The following FARS2 variants were observed in gnomAD, a reference collection of about 807,000 sequenced individuals.
FARS2 encodes phenylalanine--tRNA ligase, mitochondrial.
In FARS2, 40 loss-of-function variants were observed where a neutral mutation model predicts 46.4. The ratio of observed to expected loss-of-function variants is 0.86; its 90% CI spans 0.67 to 1.12. The LOEUF is 1.12. FARS2 is among the 50% of genes most tolerant of loss of function. The pLI, the probability that FARS2 is intolerant of heterozygous loss-of-function variation, is 0.00. For missense variants in FARS2, 513 were observed against 567.9 expected, an observed-to-expected ratio of 0.90 and a Z score of 0.98; for synonymous variants, 234 against 214.9, an observed-to-expected ratio of 1.09 and a Z score of -0.78.
Position 5,346,422 on chromosome 6 carries a change from T to C in FARS2, c.-21-22128T>C, listed in dbSNP as rs538162385. Among the ~76,000 whole-genome samples the C allele has an allele frequency of 1.3e-3, 196 of 152,346 alleles. 1 individual carries two copies. Among genetic ancestry groups the C allele is most frequent in the African/African-American group, 4.4e-3 (184 of 41,584 alleles). ...TACAATAAATAAAGTAGAATTGCTG[T>C]GGTTTCCTCAGGGACTGAGCCCTAT... is the stretch of plus-strand genomic sequence containing the variant. On this transcript the variant is annotated intron_variant, in intron 1 of 6. Transcript: ENST00000274680.
intron 1 of FARS2, among the ~76,000 whole-genome samples, chr6:5,276,586 A>T (rs1178619725): frequency 6.6e-6 from 1 of 152,202 alleles, no homozygotes; most frequent in Non-Finnish European, 1.5e-5. Context: ...AGGCTCATCA[A>T]AGAGCTTTAC....
chr6:5,385,842 A>T (rs1048129082), intron 2 of FARS2, among the ~76,000 whole-genome samples: 1 of 152,138 alleles, frequency 6.6e-6, no homozygotes, highest in Admixed American at 6.5e-5. Flanking sequence ...GGCTGTATTC[A>T]TCACAGTTAC....
chr6:5,617,572 C>G (rs944507120), intron 6 of FARS2, among the ~76,000 whole-genome samples: 1 of 152,232 alleles, frequency 6.6e-6, no homozygotes, highest in Admixed American at 6.5e-5. Flanking sequence ...GTCTATACTT[C>G]TAAATTGGCC....
intron 6 of FARS2, among the ~76,000 whole-genome samples, chr6:5,637,939 G>T (rs1328866139): frequency 6.6e-6 from 1 of 152,220 alleles, no homozygotes; most frequent in Non-Finnish European, 1.5e-5. Flanking sequence ...GATACTGGCA[G>T]TTAGGACTGC....
chr6:5,637,481 C>T (rs1043481434), intron 6 of FARS2, among the ~76,000 whole-genome samples: 1 of 152,182 alleles, frequency 6.6e-6, no homozygotes, highest in African/African-American at 2.4e-5. Flanking sequence ...GGAGCCACAG[C>T]CTGTAAGTGA....
intron 1 of FARS2, among the ~76,000 whole-genome samples, chr6:5,341,377 C>G (rs1376657372): frequency 6.7e-6 from 1 of 148,250 alleles, no homozygotes; most frequent in Non-Finnish European, 1.5e-5. Flanking sequence ...CCTGCCTACA[C>G]TGCAAAACAT....
intron 4 of FARS2, among the ~76,000 whole-genome samples, chr6:5,472,443 A>G (rs1333277769): frequency 6.6e-6 from 1 of 152,176 alleles, no homozygotes; most frequent in African/African-American, 2.4e-5. Flanking sequence ...AGGAGGAAAA[A>G]TGGGAAAACA....
chr6:5,397,197 A>C (rs1357534341), intron 2 of FARS2, among the ~76,000 whole-genome samples: 1 of 152,222 alleles, frequency 6.6e-6, no homozygotes, highest in Non-Finnish European at 1.5e-5. Flanking sequence ...AGACAAGCTG[A>C]AAAGGCTCCA....
chr6:5,765,650 T>G lies in FARS2; in HGVS notation c.1218-5641T>G. Among the ~76,000 whole-genome samples, 1 of 152,034 alleles carries G rather than the reference T, an allele frequency of 6.6e-6. No individual in the cohort carries two copies. The highest frequency in any genetic ancestry group is 1.9e-4 in the East Asian group (1 of 5,174). Reference sequence around the variant, plus strand: ...GAGCAAATCTCGGGAGAACATGAGGTTCCACGTGGGGTGCGGTGTGGCTGA... The same window carrying G: ...GAGCAAATCTCGGGAGAACATGAGGGTCCACGTGGGGTGCGGTGTGGCTGA... On this transcript the variant is annotated intron_variant, in intron 6 of 6. Coordinates refer to ENST00000274680, the MANE Select transcript of FARS2 (RefSeq NM_006567.5). The surrounding 1 kb of genome is among the most constrained non-coding windows in gnomAD (Gnocchi z 4.0).
At chr6:5,386,701 G>C (rs1581952373) in intron 2 of FARS2, among the ~76,000 whole-genome samples, 1 of 152,146 alleles carries the variant, frequency 6.6e-6, no homozygotes, top group Non-Finnish European at 1.5e-5. Flanking sequence ...CTAACTCCTG[G>C]GTTGCTTTTT....
At chr6:5,364,998 A>G (rs1212454151) in intron 1 of FARS2, among the ~76,000 whole-genome samples, 1 of 151,910 alleles carries the variant, frequency 6.6e-6, no homozygotes, top group South Asian at 2.1e-4. Context: ...CCAGTAAGCC[A>G]TGATCATCCC....
chr6:5,681,797 CT>C (rs1277250764), intron 6 of FARS2, among the ~76,000 whole-genome samples: 1 of 152,242 alleles, frequency 6.6e-6, no homozygotes, highest in African/African-American at 2.4e-5. Context: ...CCCTCCCTTC[CT>C]TCTCTGGATC....
intron 6 of FARS2, among the ~76,000 whole-genome samples, chr6:5,670,160 C>CTT (rs1179730802): frequency 1.3e-5 from 2 of 152,146 alleles, no homozygotes; most frequent in Non-Finnish European, 2.9e-5. Context: ...AGCATAGGCG[C>CTT]TTATGCCCAG....
chr6:5,464,108 AT>A (rs1765387917), intron 4 of FARS2, among the ~76,000 whole-genome samples: 1 of 152,132 alleles, frequency 6.6e-6, no homozygotes, highest in Non-Finnish European at 1.5e-5. Context: ...CAGTTTATTC[AT>A]TTCTAAGCAG....
chr6:5,469,271 C>T (rs1007992651), intron 4 of FARS2, among the ~76,000 whole-genome samples: 6 of 152,236 alleles, frequency 3.9e-5, no homozygotes, highest in African/African-American at 1.4e-4. Context: ...AGGTTCCTGT[C>T]CTGTGCGTTG....
chr6:5,315,286 C>G (rs192070645), intron 1 of FARS2, among the ~76,000 whole-genome samples: 3 of 152,314 alleles, frequency 2.0e-5, no homozygotes, highest in African/African-American at 2.4e-5. Flanking sequence ...GAAAGGGAGT[C>G]TTCTTCCTTT....
chr6:5,603,779 A>G (rs1774675105), intron 5 of FARS2, among the ~76,000 whole-genome samples: 1 of 152,194 alleles, frequency 6.6e-6, no homozygotes, highest in Non-Finnish European at 1.5e-5. Context: ...CTCCGTAAAG[A>G]TCCTGTCTTT....
intron 1 of FARS2, among the ~76,000 whole-genome samples, chr6:5,278,004 C>T (rs1479697175): frequency 2.0e-5 from 3 of 152,114 alleles, no homozygotes; most frequent in Non-Finnish European, 2.9e-5. Flanking sequence ...TTAATCTTTT[C>T]AATATTTTCT....
At chr6:5,612,194 T>C (rs954204537) in intron 5 of FARS2, among the ~76,000 whole-genome samples, 1 of 152,258 alleles carries the variant, frequency 6.6e-6, no homozygotes, top group Non-Finnish European at 1.5e-5. Context: ...TCATTTATGT[T>C]TGAGCATTTA....
Sources: allele counts gnomAD v4.1 joint callset (sites outside exome capture counted in the v4.1 genomes callset), GRCh38; gene constraint gnomAD v4.1.1; non-coding constraint Gnocchi (gnomAD v3.1); transcripts MANE v1.5; gene names NCBI Gene and HGNC (gene_info 2026-07-23, HGNC 2026-07-21).